Variants in SOS1 observed in about 807,000 individuals in gnomAD.
SOS1 encodes the protein SOS Ras/Rac guanine nucleotide exchange factor 1, also known as son of sevenless homolog 1.
In SOS1, 25 loss-of-function variants were observed where a neutral mutation model predicts 157.6. The observed-to-expected ratio is 0.16, with a 90% CI of 0.12 to 0.22. The LOEUF (loss-of-function observed/expected upper bound fraction) is 0.22, where lower values mean the gene tolerates loss of function less well. Ranked by LOEUF, SOS1 falls within the 10% of genes least tolerant of loss-of-function variation. The pLI, the probability that SOS1 is intolerant of heterozygous loss-of-function variation, is 1.00. For missense variants in SOS1, 1,237 were observed against 1,599.1 expected (o/e 0.77, Z 3.86); for synonymous variants, 528 against 534.0 (o/e 0.99, Z 0.16).
intron 20 of SOS1, among the ~76,000 whole-genome samples, chr2:38,994,580 C>T (rs776539688): frequency 7.2e-5 from 11 of 152,146 alleles, no homozygotes; most frequent in Non-Finnish European, 1.6e-4. Flanking sequence ...CAAAAGTGTT[C>T]TGGACTTCAG....
At chr2:39,014,023 T>G (rs143716812) in intron 11 of SOS1, 34 bp from the exon 12 acceptor site, 1 of 1,518,976 alleles carries the variant, frequency 6.6e-7, no homozygotes, top group African/African-American at 1.4e-5. Flanking sequence ...ATGAAAAGAC[T>G]AATTATATCG....
upstream of SOS1, among the ~76,000 whole-genome samples, chr2:39,123,637 C>A (rs1673973181): frequency 6.7e-6 from 1 of 148,790 alleles, no homozygotes; most frequent in Admixed American, 6.7e-5. Flanking sequence ...GGACTACAGG[C>A]GTGAGCCACC....
intron 20 of SOS1, 54 bp from the exon 21 acceptor site, chr2:38,989,368 CTCA>C: frequency 9.0e-7 from 1 of 1,111,522 alleles, no homozygotes; most frequent in Non-Finnish European, 1.4e-6. Context: ...ATATATTCAA[CTCA>C]TCTGCAAAAA....
intron 6 of SOS1, among the ~76,000 whole-genome samples, chr2:39,038,531 C>G (rs1247698115): frequency 6.6e-6 from 1 of 151,344 alleles, no homozygotes; most frequent in Non-Finnish European, 1.5e-5. Context: ...ATCAAGAGAT[C>G]GAGACCATCC....
chr2:38,985,855 G>C lies in SOS1; in HGVS notation c.3971C>G (p.Pro1324Arg), dbSNP rs727503434. Residue 1324 changes from proline to arginine, a missense_variant, in exon 23 of 23, where the codon CCA becomes CGA. By Grantham distance (103) the Pro-to-Arg change is moderately radical. Around this residue, in one of 15 missense-constraint regions of SOS1, gnomAD observed 306 missense variants for 322.6 expected, o/e 0.95. Coordinates refer to ENST00000402219, the MANE Select transcript of SOS1 (RefSeq NM_005633.4). ...AGAATGGGCATTCTCCAACAGTGGT[G>C]GTCCATCTCTGTGCATGGATGGGTG... ...HTHPSMHRDG[P>R]PLLENAHSS is the part of the protein sequence containing the mutation. 8 of 1,613,814 alleles carry C rather than the reference G, an allele frequency of 5.0e-6. No individual in the cohort carries two copies. The East Asian group carries it at 1.8e-4, about 36-fold the overall frequency.
intron 16 of SOS1, 42 bp from the exon 17 acceptor site, chr2:39,006,571 A>T (rs1043995960): frequency 1.3e-5 from 13 of 997,558 alleles, no homozygotes; most frequent in Admixed American, 1.0e-4. Context: ...AAAAGGAATC[A>T]AAGGTCTTGT....
intron 1 of SOS1, among the ~76,000 whole-genome samples, chr2:39,112,461 CTTTTG>C (rs1394984087): frequency 2.6e-5 from 4 of 152,212 alleles, no homozygotes; most frequent in Non-Finnish European, 4.4e-5. Context: ...CCATGCCAGG[CTTTTG>C]TTTTGTTTTG....
At chr2:39,099,727 T>A (rs1208941749) in intron 1 of SOS1, among the ~76,000 whole-genome samples, 1 of 152,136 alleles carries the variant, frequency 6.6e-6, no homozygotes, top group Non-Finnish European at 1.5e-5. Context: ...AGAAAATGTT[T>A]ACAAACCATA....
At chr2:39,067,547 C>A in intron 2 of SOS1, 81 bp downstream of exon 2, 1 of 1,283,720 alleles carries the variant, frequency 7.8e-7, no homozygotes, top group Non-Finnish European at 1.1e-6. Context: ...ATAGAGAGAG[C>A]AAATTCTTTC....
chr2:39,065,542 C>G (rs1671562482), intron 2 of SOS1, among the ~76,000 whole-genome samples: 1 of 152,154 alleles, frequency 6.6e-6, no homozygotes, highest in Admixed American at 6.5e-5. Flanking sequence ...TTTCTCTGAT[C>G]TCAATCTGCT....
At chr2:39,063,633 T>A (rs909302365) in intron 2 of SOS1, among the ~76,000 whole-genome samples, 1 of 152,220 alleles carries the variant, frequency 6.6e-6, no homozygotes, top group African/African-American at 2.4e-5. Flanking sequence ...CAAAACTTTT[T>A]AATTACCATC....
intron 15 of SOS1, chr2:39,007,483 A>G (rs1180870386): frequency 5.2e-5 from 19 of 362,366 alleles, no homozygotes; most frequent in Non-Finnish European, 8.6e-5. Flanking sequence ...TATCTTGTGG[A>G]ATGTATGGAG....
At chr2:39,023,377 A>G in intron 9 of SOS1, 152 bp from the exon 10 acceptor site, 1 of 583,588 alleles carries the variant, frequency 1.7e-6, no homozygotes, top group East Asian at 3.0e-5. Context: ...AAAATTACAC[A>G]ATTTTGAAAA....
At chr2:39,111,256 T>C (rs1294737610) in intron 1 of SOS1, among the ~76,000 whole-genome samples, 1 of 151,958 alleles carries the variant, frequency 6.6e-6, no homozygotes, top group Non-Finnish European at 1.5e-5. Context: ...AATAATAAGA[T>C]GGATTCAAGG....
intron 1 of SOS1, among the ~76,000 whole-genome samples, chr2:39,111,370 T>C (rs1037743876): frequency 6.6e-6 from 1 of 152,224 alleles, no homozygotes; most frequent in African/African-American, 2.4e-5. Context: ...TACTGTACAA[T>C]TCTTTAGACT....
intron 15 of SOS1, 131 bp downstream of exon 15, chr2:39,010,453 C>T (rs1339139527): frequency 1.6e-5 from 12 of 762,358 alleles, no homozygotes; most frequent in East Asian, 7.9e-5. Flanking sequence ...TTCAGTGGGC[C>T]GATGTGCCAC....
At chr2:39,023,695 C>A in intron 9 of SOS1, 2 of 305,898 alleles carry the variant, frequency 6.5e-6, no homozygotes, top group South Asian at 4.2e-5. Context: ...AAATAAAGGA[C>A]ACTAATAATT....
In SOS1 at chr2:39,013,474, A is replaced by G. The variant is rs1040115639; in HGVS notation, c.2153T>C (p.Ile718Thr). Residue 718 changes from isoleucine to threonine, a missense_variant, in exon 13 of 23, where the codon ATT (isoleucine) becomes ACT (threonine). By Grantham distance (89) the Ile-to-Thr change is moderately conservative (BLOSUM62 -1). This residue lies in a region of SOS1 where 42 missense variants were observed against 80.4 expected (regional missense o/e 0.52). Coordinates refer to ENST00000402219, the MANE Select transcript of SOS1 (RefSeq NM_005633.4). ...AAAAAACATACCTCTTACTGTTCCA[A>G]TAAATTCTTCCATTCGTTGCAAAAG... The part of the protein sequence containing the change: ...AYLLQRMEEF[I>T]GTVRGKAMKK... 2 of 1,609,284 alleles carry G rather than the reference A, an allele frequency of 1.2e-6. No individual in the cohort carries two copies. The highest frequency in any genetic ancestry group is 1.7e-6 in the Non-Finnish European group (2 of 1,175,806).
chr2:39,045,016 ATC>A (rs1670712363), intron 6 of SOS1, among the ~76,000 whole-genome samples: 1 of 152,164 alleles, frequency 6.6e-6, no homozygotes, highest in Non-Finnish European at 1.5e-5. Context: ...TATTACTTCT[ATC>A]TAATATAATG....
Sources: gnomAD v4.1 joint callset for allele counts (sites outside exome capture counted in the v4.1 genomes callset) on GRCh38, gnomAD v4.1.1 for gene constraint, gnomAD v4.1.1 regional missense constraint, MANE v1.5 for transcripts, NCBI Gene and HGNC (gene_info 2026-07-23, HGNC 2026-07-21) for gene names.